ERICH1: variants seen among roughly 807,000 people sequenced by gnomAD.
ERICH1 encodes the protein glutamate-rich protein 1.
ERICH1 carries 56 observed loss-of-function variants against 39.6 expected under a neutral mutation model. The observed-to-expected ratio is 1.41, with a 90% CI of 1.14 to 1.77. The LOEUF is 1.77. Ranked by LOEUF, ERICH1 falls within the 40% of genes most tolerant of loss-of-function variation. The pLI is 0.00. For missense variants in ERICH1, 826 were observed against 575.4 expected, an observed-to-expected ratio of 1.44 and a Z score of -4.45; for synonymous variants, 313 against 223.6, an observed-to-expected ratio of 1.40 and a Z score of -3.57.
intron 2 of ERICH1, among the ~76,000 whole-genome samples, chr8:705,323 G>A (rs1163369668): frequency 2.6e-5 from 4 of 152,222 alleles, no homozygotes; most frequent in East Asian, 1.9e-4. Context: ...CGGACACTGC[G>A]CGATGGCCCG....
At chr8:727,816 T>C (rs1023449690) in intron 1 of ERICH1, among the ~76,000 whole-genome samples, 4 of 152,118 alleles carry the variant, frequency 2.6e-5, no homozygotes, top group African/African-American at 9.7e-5. Flanking sequence ...CTGGACCACC[T>C]TGATGGGAAA....
intron 3 of ERICH1, among the ~76,000 whole-genome samples, chr8:691,763 A>G (rs999329610): frequency 6.6e-6 from 1 of 152,224 alleles, no homozygotes; most frequent in African/African-American, 2.4e-5. Context: ...CATTTTGTTG[A>G]TATTCAAATT....
intron 3 of ERICH1, among the ~76,000 whole-genome samples, chr8:687,877 C>A (rs1399745149): frequency 6.6e-6 from 1 of 152,134 alleles, no homozygotes; most frequent in East Asian, 1.9e-4. Flanking sequence ...GCGCGCGGAA[C>A]CGGCGCAGGC....
intron 3 of ERICH1, among the ~76,000 whole-genome samples, chr8:688,309 C>CA (rs1808051229): frequency 8.9e-6 from 1 of 112,486 alleles, no homozygotes; most frequent in Non-Finnish European, 1.9e-5. Context: ...CGCCGCCCCG[C>CA]CCCGGGCCAC....
intron 2 of ERICH1, among the ~76,000 whole-genome samples, chr8:699,941 G>A (rs111161370): frequency 0.53 from 44,257 of 83,560 alleles, 11,495 homozygotes; most frequent in Non-Finnish European, 0.64. Context: ...GCACAGACCC[G>A]CACACGCGCA....
At chr8:689,096 A>C (rs1440483037) in intron 3 of ERICH1, among the ~76,000 whole-genome samples, 1 of 151,084 alleles carries the variant, frequency 6.6e-6, no homozygotes, top group Non-Finnish European at 1.5e-5. Context: ...AAACTAGGTG[A>C]AGAGCTCACG....
chr8:623,340 C>G (rs1230491493), intron 3 of ERICH1, among the ~76,000 whole-genome samples: 1 of 152,174 alleles, frequency 6.6e-6, no homozygotes, highest in Non-Finnish European at 1.5e-5. Context: ...ACTCAACACC[C>G]TTTCATAATA....
chr8:718,900 G>A (rs532892458), intron 1 of ERICH1, among the ~76,000 whole-genome samples: 4 of 152,292 alleles, frequency 2.6e-5, no homozygotes, highest in East Asian at 1.9e-4. Flanking sequence ...TGTGTTGTGC[G>A]GTTTGTCATT....
chr8:716,662 C>T (rs1029187939), intron 1 of ERICH1, among the ~76,000 whole-genome samples: 1 of 152,172 alleles, frequency 6.6e-6, no homozygotes, highest in African/African-American at 2.4e-5. Flanking sequence ...AATATTTCTG[C>T]CCTGATTTAA....
At position 684,784 on chromosome 8, in the gene ERICH1, C is replaced by T. The variant is rs145039480; in HGVS notation, c.304+7694G>A. On this transcript the variant is annotated intron_variant, in intron 3 of 5. Transcript: ENST00000262109. ...GGAGACATCACATGTCAGCAGGTTC[C>T]GTGATGCCCCCTGAGCCCCAAAACC... 8.6e-3 allele frequency among the ~76,000 whole-genome samples: 1,313 copies of T among 152,230 alleles called. 15 individuals are homozygous for T. Among genetic ancestry groups the T allele is most frequent in the African/African-American group, 0.028 (1,179 of 41,526 alleles).
chr8:655,241 C>G (rs1020569981), intron 3 of ERICH1, among the ~76,000 whole-genome samples: 1 of 152,226 alleles, frequency 6.6e-6, no homozygotes, highest in Non-Finnish European at 1.5e-5. Flanking sequence ...AGACAGGAGA[C>G]AGACGCTGTC....
intron 2 of ERICH1, among the ~76,000 whole-genome samples, chr8:700,709 CAGCG>C (rs1158135619): frequency 3.2e-4 from 23 of 71,010 alleles, no homozygotes; most frequent in Non-Finnish European, 7.9e-4. Flanking sequence ...AAAAGGTGCT[CAGCG>C]GTGGGAGGTC....
At chr8:660,527 C>T (rs998187248), downstream of ERICH1, among the ~76,000 whole-genome samples, 1 of 152,192 alleles carries the variant, frequency 6.6e-6, no homozygotes, top group Admixed American at 6.5e-5. Context: ...GCTGGCGGCC[C>T]GTGAGTCCCC....
At chr8:651,522 G>A (rs781678920) in intron 3 of ERICH1, among the ~76,000 whole-genome samples, 15 of 152,180 alleles carry the variant, frequency 9.9e-5, no homozygotes, top group Non-Finnish European at 1.8e-4. Flanking sequence ...GCCCGGAGAG[G>A]CTCCCACTGC....
chr8:695,497 TCTCCTTCCTCCCCATCA>T (rs1313159824), intron 2 of ERICH1, among the ~76,000 whole-genome samples: 19 of 137,348 alleles, frequency 1.4e-4, no homozygotes, highest in South Asian at 2.4e-4. Flanking sequence ...CTCCCTCTCC[TCTCCTTCCTCCCCATCA>T]GCCTGCACCT....
chr8:730,851 C>T (rs56189376), intron 1 of ERICH1, among the ~76,000 whole-genome samples: 44,902 of 152,080 alleles, frequency 0.3, 6,811 homozygotes, highest in East Asian at 0.41. Flanking sequence ...CTGCTAAGAA[C>T]ACGAATCCCT....
chr8:685,960 C>T (rs1178371469), intron 3 of ERICH1, among the ~76,000 whole-genome samples: 2 of 140,830 alleles, frequency 1.4e-5, no homozygotes, highest in Non-Finnish European at 3.0e-5. Flanking sequence ...GCCTGGCCAA[C>T]ATGGTGAAAC....
intron 3 of ERICH1, among the ~76,000 whole-genome samples, chr8:637,227 G>A (rs561311183): frequency 3.9e-5 from 6 of 152,318 alleles, no homozygotes; most frequent in East Asian, 3.9e-4. Flanking sequence ...TGAAACACCC[G>A]GTGGGGTTCT....
chr8:650,395 C>T (rs965992226), intron 3 of ERICH1, among the ~76,000 whole-genome samples: 4 of 152,240 alleles, frequency 2.6e-5, no homozygotes, highest in Admixed American at 2.6e-4. Flanking sequence ...ACATCTGCCT[C>T]ACGGATGCCA....
Sources: gnomAD v4.1 joint callset for allele counts (sites outside exome capture counted in the v4.1 genomes callset) on GRCh38, gnomAD v4.1.1 for gene constraint, MANE v1.5 for transcripts, NCBI Gene and HGNC (gene_info 2026-07-23, HGNC 2026-07-21) for gene names.